Variants in SLC9A9 observed in about 807,000 individuals in gnomAD.
SLC9A9 encodes the protein sodium/hydrogen exchanger 9.
Under a neutral mutation model 77.8 loss-of-function variants are expected in SLC9A9, and 62 were observed. That is an observed-to-expected ratio of 0.80 (90% CI 0.65 to 0.98). The LOEUF (loss-of-function observed/expected upper bound fraction) is 0.98, where lower values mean the gene tolerates loss of function less well. Ranked by LOEUF, SLC9A9 falls within the 50% of genes least tolerant of loss-of-function variation. The pLI, the probability that SLC9A9 is intolerant of heterozygous loss-of-function variation, is 0.00. For missense variants in SLC9A9, 775 were observed against 774.9 expected, an observed-to-expected ratio of 1.00 and a Z score of 0.00; for synonymous variants, 320 against 283.5, an observed-to-expected ratio of 1.13 and a Z score of -1.29.
chr3:143,643,974 TA>T (rs5853117), intron 6 of SLC9A9, among the ~76,000 whole-genome samples: 44,376 of 145,820 alleles, frequency 0.3, 6,490 homozygotes, highest in East Asian at 0.38. Flanking sequence ...TATTTTGAGC[TA>T]AAAAAAAAAA....
In SLC9A9 at chr3:143,528,774, G is replaced by C. The variant is rs187628634; in HGVS notation, c.1089+23588C>G. On this transcript the variant is annotated intron_variant, in intron 9 of 15. Transcript: ENST00000316549. ...ACCTTCTATACATTAACTCATGCCT[G>C]GGTATTTTTGTCCTTCTAGCTCAAA... Among the ~76,000 whole-genome samples, 871 of 150,488 alleles carry C rather than the reference G, an allele frequency of 5.8e-3. 8 individuals carry two copies. The highest frequency in any genetic ancestry group is 0.02 in the African/African-American group (837 of 40,886).
At chr3:143,723,420 C>G (rs1158853758) in intron 4 of SLC9A9, among the ~76,000 whole-genome samples, 2 of 152,068 alleles carry the variant, frequency 1.3e-5, no homozygotes, top group African/African-American at 4.8e-5. Context: ...CACTAAGAGG[C>G]CAGGATGGTG....
chr3:143,722,647 T>C (rs1934535075), intron 4 of SLC9A9, among the ~76,000 whole-genome samples: 1 of 152,002 alleles, frequency 6.6e-6, no homozygotes, highest in South Asian at 2.1e-4. Flanking sequence ...TAATTTTCTT[T>C]TCCTGTTGTT....
chr3:143,756,071 T>C (rs1295394226), intron 4 of SLC9A9, among the ~76,000 whole-genome samples: 1 of 152,186 alleles, frequency 6.6e-6, no homozygotes, highest in African/African-American at 2.4e-5. Flanking sequence ...GTCTCTAAAA[T>C]ACAGGGCCAG....
chr3:143,847,363 A>T (rs1219333633), intron 1 of SLC9A9, among the ~76,000 whole-genome samples: 2 of 152,242 alleles, frequency 1.3e-5, no homozygotes, highest in Admixed American at 1.3e-4. Flanking sequence ...ACTTTAAAAG[A>T]TGAGAGTACA....
chr3:143,828,026 C>T (rs1559817147), intron 2 of SLC9A9, among the ~76,000 whole-genome samples: 1 of 152,150 alleles, frequency 6.6e-6, no homozygotes, highest in Non-Finnish European at 1.5e-5. Context: ...TGTGGCCTCT[C>T]AGAGAGCCTG....
intron 6 of SLC9A9, among the ~76,000 whole-genome samples, chr3:143,608,487 G>A (rs1451227515): frequency 2.6e-5 from 4 of 152,202 alleles, no homozygotes; most frequent in African/African-American, 9.7e-5. Flanking sequence ...CCAGGATAGT[G>A]AAGCAGGATG....
chr3:143,696,172 G>C (rs905071370), intron 4 of SLC9A9, among the ~76,000 whole-genome samples: 5 of 152,074 alleles, frequency 3.3e-5, no homozygotes, highest in African/African-American at 4.8e-5. Context: ...TGTCAATTTT[G>C]GCTTTTGTTG....
chr3:143,467,727 AAGAGAGAGAGAGAG>A lies in SLC9A9; in HGVS notation c.1316-551_1316-538del, dbSNP rs111531862. The stretch of plus-strand genomic sequence containing the variant: ...GTGACAGAATAAGTCCCTGGCTCTA[AAGAGAGAGAGAGAG>A]AGAGAGAGAGAGAGAGACAGAAACA... On this transcript the variant is annotated intron_variant, in intron 11 of 15. Coordinates refer to ENST00000316549, the MANE Select transcript of SLC9A9 (RefSeq NM_173653.4). 4.5e-3 allele frequency among the ~76,000 whole-genome samples: 651 copies of A among 144,812 alleles called. 7 individuals carry two copies. Among genetic ancestry groups the A allele is most frequent in the South Asian group, 0.013 (58 of 4,366 alleles).
intron 6 of SLC9A9, among the ~76,000 whole-genome samples, chr3:143,623,163 T>A (rs970504962): frequency 2.0e-5 from 3 of 152,114 alleles, no homozygotes; most frequent in African/African-American, 7.2e-5. Context: ...ACAATAATAA[T>A]GGGAGACTTT....
At chr3:143,475,161 G>A (rs1389670213) in intron 11 of SLC9A9, among the ~76,000 whole-genome samples, 1 of 150,676 alleles carries the variant, frequency 6.6e-6, no homozygotes, top group Non-Finnish European at 1.5e-5. Context: ...TAGAGACAGG[G>A]TTTCACCATG....
intron 4 of SLC9A9, among the ~76,000 whole-genome samples, chr3:143,726,494 A>G (rs544926770): frequency 2.6e-5 from 4 of 152,348 alleles, no homozygotes; most frequent in African/African-American, 9.6e-5. Context: ...AGGTAAAAAA[A>G]GTAGGGAATA....
chr3:143,449,123 TATGA>T (rs1369575768), intron 12 of SLC9A9, among the ~76,000 whole-genome samples: 6 of 134 alleles, frequency 0.045, 3 homozygotes, highest in Non-Finnish European at 0.032. Context: ...AATTATATAA[TATGA>T]TATATATTAT....
intron 14 of SLC9A9, among the ~76,000 whole-genome samples, chr3:143,323,836 A>G (rs2031495219): frequency 6.6e-6 from 1 of 152,162 alleles, no homozygotes; most frequent in South Asian, 2.1e-4. Context: ...TTCCCTCAAC[A>G]TACAGCTCCA....
intron 6 of SLC9A9, among the ~76,000 whole-genome samples, chr3:143,593,879 CA>C (rs1284731224): frequency 2.6e-5 from 4 of 152,172 alleles, no homozygotes; most frequent in African/African-American, 9.7e-5. Context: ...ATAAACCCCA[CA>C]AACCTAATGC....
chr3:143,583,949 T>C lies in SLC9A9; in HGVS notation c.756-5226A>G, dbSNP rs143898354. On this transcript the variant is annotated intron_variant, in intron 6 of 15. Transcript: ENST00000316549. Reference sequence around the variant, plus strand: ...TTTGTGCAGAATGGTGTGTGGCACATAGTAAAGTGCTCAATAAATGCTAGT... The same window carrying C: ...TTTGTGCAGAATGGTGTGTGGCACACAGTAAAGTGCTCAATAAATGCTAGT... 5.4e-3 allele frequency among the ~76,000 whole-genome samples: 826 copies of C among 152,134 alleles called. 3 individuals carry two copies. The highest frequency in any genetic ancestry group is 8.0e-3 in the Non-Finnish European group (546 of 68,010).
intron 12 of SLC9A9, among the ~76,000 whole-genome samples, chr3:143,448,317 C>A (rs991547930): frequency 2.0e-5 from 3 of 152,070 alleles, no homozygotes; most frequent in Non-Finnish European, 4.4e-5. Context: ...AGGGGCAATC[C>A]ACACACCTGT....
intron 14 of SLC9A9, among the ~76,000 whole-genome samples, chr3:143,328,755 T>C (rs1028753569): frequency 3.9e-5 from 6 of 152,256 alleles, no homozygotes; most frequent in African/African-American, 1.4e-4. Context: ...GTTTGGATTG[T>C]TCTCCTTGAT....
chr3:143,486,822 T>G (rs923710913), intron 11 of SLC9A9, among the ~76,000 whole-genome samples: 3 of 152,036 alleles, frequency 2.0e-5, no homozygotes, highest in Admixed American at 1.3e-4. Flanking sequence ...AACATTTCAC[T>G]GCAAAGAATC....
Sources: allele counts gnomAD v4.1 joint callset (sites outside exome capture counted in the v4.1 genomes callset), GRCh38; gene constraint gnomAD v4.1.1; transcripts MANE v1.5; gene names NCBI Gene and HGNC (gene_info 2026-07-23, HGNC 2026-07-21).